The following DMD variants were observed in gnomAD, a reference collection of about 807,000 sequenced individuals.
DMD encodes the protein mutant dystrophin.
In DMD, 63 loss-of-function variants were observed where a neutral mutation model predicts 330.1. The observed-to-expected ratio is 0.19, with a 90% confidence interval of 0.16 to 0.24. The LOEUF (loss-of-function observed/expected upper bound fraction) is 0.24. Among genes scored for constraint, DMD ranks in the 10% least tolerant of loss-of-function variants. The probability of loss-of-function intolerance (pLI) is 1.00; values close to 1 mark genes in which losing one functional copy is unlikely to be tolerated. For missense variants in DMD, 3,344 were observed against 2,684.1 expected, an observed-to-expected ratio of 1.25 and a Z score of -5.43; for synonymous variants, 1,223 against 959.8, an observed-to-expected ratio of 1.27 and a Z score of -5.07.
At chrX:32,351,295 T>C (rs974874981) in intron 37 of DMD, among the ~76,000 whole-genome samples, 1 of 110,591 alleles carries the variant, frequency 9.0e-6, no homozygotes, top group African/African-American at 3.3e-5. Context: ...ATAAAATACA[T>C]GCTTATTGAT....
chrX:32,327,004 TTC>T (rs752562049), intron 41 of DMD, among the ~76,000 whole-genome samples: 12 of 109,982 alleles, frequency 1.1e-4, no homozygotes, highest in Non-Finnish European at 1.9e-4. Flanking sequence ...TAATTATCTG[TTC>T]TCTCTCTCTG....
chrX:31,818,498 A>C (rs965738637), intron 50 of DMD, among the ~76,000 whole-genome samples: 1 of 111,370 alleles, frequency 9.0e-6, no homozygotes, highest in Non-Finnish European at 1.9e-5. Context: ...TATGGGACAT[A>C]AACTCATGAG....
intron 44 of DMD, among the ~76,000 whole-genome samples, chrX:32,041,315 C>T (rs769391395): frequency 8.9e-5 from 10 of 111,901 alleles, no homozygotes; most frequent in African/African-American, 3.2e-4. Flanking sequence ...AGGTCTCTCC[C>T]CCCTTCCTGG....
At chrX:31,884,028 C>G (rs758490653) in intron 47 of DMD, among the ~76,000 whole-genome samples, 1 of 111,073 alleles carries the variant, frequency 9.0e-6, no homozygotes, top group East Asian at 2.8e-4. Context: ...AAAAGAGAAC[C>G]CTTGTACAAT....
chrX:31,733,032 T>A (rs957378158), intron 51 of DMD, among the ~76,000 whole-genome samples: 3 of 111,432 alleles, frequency 2.7e-5, no homozygotes, highest in African/African-American at 6.5e-5. Context: ...TCAATGCTAT[T>A]TCTAAGGAGT....
intron 2 of DMD, among the ~76,000 whole-genome samples, chrX:32,911,647 A>G (rs1272565024): frequency 1.8e-5 from 2 of 111,836 alleles, no homozygotes; most frequent in Non-Finnish European, 3.8e-5. Flanking sequence ...TTCAAAGTAA[A>G]TCCACAGCTA....
At chrX:33,087,378 T>C (rs1048848489) in intron 1 of DMD, among the ~76,000 whole-genome samples, 6 of 112,430 alleles carry the variant, frequency 5.3e-5, no homozygotes, top group Non-Finnish European at 1.9e-5. Flanking sequence ...TTAGTTCATA[T>C]GGCGAGACCA....
intron 59 of DMD, among the ~76,000 whole-genome samples, chrX:31,457,950 T>C (rs1481509446): frequency 1.8e-5 from 2 of 111,944 alleles, no homozygotes; most frequent in African/African-American, 3.2e-5. Context: ...TCCTTTAATA[T>C]CCAATTTTAC....
chrX:31,251,343 A>G (rs941493300), intron 63 of DMD, among the ~76,000 whole-genome samples: 2 of 111,002 alleles, frequency 1.8e-5, no homozygotes, highest in African/African-American at 6.5e-5. Context: ...ATATAAAAAC[A>G]ATCACTTTCT....
intron 1 of DMD, among the ~76,000 whole-genome samples, chrX:33,024,904 G>A (rs1448483638): frequency 9.0e-6 from 1 of 111,224 alleles, no homozygotes; most frequent in African/African-American, 3.3e-5. Context: ...CTATTGACAG[G>A]ATATAATGAG....
At chrX:33,101,980 G>A (rs1043850347) in intron 1 of DMD, among the ~76,000 whole-genome samples, 1 of 111,639 alleles carries the variant, frequency 9.0e-6, no homozygotes, top group African/African-American at 3.2e-5. Context: ...TTCAAAGAAG[G>A]TTTTCAATGT....
chrX:32,389,733 C>A, intron 31 of DMD, 59 bp from the exon 32 acceptor site: 8 of 1,060,330 alleles, frequency 7.5e-6, no homozygotes, highest in Non-Finnish European at 1.0e-5. Context: ...AATAACTGGT[C>A]CTATTTTTAT....
At chrX:33,210,635 T>C (rs1405014032) in intron 1 of DMD, among the ~76,000 whole-genome samples, 4 of 111,708 alleles carry the variant, frequency 3.6e-5, no homozygotes, top group Non-Finnish European at 7.5e-5. Context: ...GATCATTTGA[T>C]AGCATAGATC....
chrX:31,379,927 A>G (rs1356206501), intron 60 of DMD, among the ~76,000 whole-genome samples: 1 of 111,347 alleles, frequency 9.0e-6, no homozygotes, highest in Non-Finnish European at 1.9e-5. Context: ...CTCTGGCCCA[A>G]GGCTCTCTGA....
At chrX:31,220,877 ATTT>A (rs66621875) in intron 64 of DMD, among the ~76,000 whole-genome samples, 11 of 69,435 alleles carry the variant, frequency 1.6e-4, no homozygotes, top group African/African-American at 4.4e-4. Flanking sequence ...TTCCTAAAAC[ATTT>A]TTTTTTTTTT....
intron 43 of DMD, among the ~76,000 whole-genome samples, chrX:32,242,933 C>CAAAGGA (rs1228615338): frequency 5.7e-5 from 5 of 87,552 alleles, no homozygotes; most frequent in Admixed American, 1.5e-4. Context: ...CAAAGGAACG[C>CAAAGGA]AAAGGAAAAG....
At chrX:31,339,207 T>C (rs1401471787) in intron 61 of DMD, among the ~76,000 whole-genome samples, 1 of 111,623 alleles carries the variant, frequency 9.0e-6, no homozygotes, top group Admixed American at 9.6e-5. Flanking sequence ...CGATGCAAAA[T>C]CTGGTTGCTA....
At chrX:32,718,208 T>C (rs1043111448) in intron 7 of DMD, among the ~76,000 whole-genome samples, 1 of 111,399 alleles carries the variant, frequency 9.0e-6, no homozygotes, top group African/African-American at 3.3e-5. Flanking sequence ...CCAAATCTCA[T>C]GTTGTATTGT....
chrX:32,773,519 T>TC (rs1557016208), intron 7 of DMD, among the ~76,000 whole-genome samples: 1 of 96,004 alleles, frequency 1.0e-5, no homozygotes, highest in Non-Finnish European at 2.1e-5. Context: ...ACTTTTTATT[T>TC]TTTTTTTTTT....
Sources: allele counts gnomAD v4.1 joint callset (sites outside exome capture counted in the v4.1 genomes callset), GRCh38; gene constraint gnomAD v4.1.1; transcripts MANE v1.5; gene names NCBI Gene and HGNC (gene_info 2026-07-23, HGNC 2026-07-21).